The following PDZD7 variants were observed in gnomAD, a reference collection of about 807,000 sequenced individuals.
PDZD7 encodes PDZ domain containing 7, also known as PDZ domain-containing protein 7.
PDZD7 carries 72 observed loss-of-function variants against 84.7 expected under a neutral mutation model. The ratio of observed to expected loss-of-function variants is 0.85; its 90% CI spans 0.70 to 1.03. PDZD7 has a LOEUF of 1.03. Among genes scored for constraint, PDZD7 ranks in the 50% least tolerant of loss-of-function variants. PDZD7 has a pLI of 0.00. For missense variants in PDZD7, 1,490 were observed against 1,412.9 expected (o/e 1.05, Z -0.87); for synonymous variants, 594 against 580.7 (o/e 1.02, Z -0.33).
At chr10:101,014,466 C>T (rs1852519423) in intron 11 of PDZD7, among the ~76,000 whole-genome samples, 1 of 152,084 alleles carries the variant, frequency 6.6e-6, no homozygotes, top group South Asian at 2.1e-4. Context: ...CACCTCGTGG[C>T]CAAAGCCTGC....
At chr10:101,019,264 C>G in intron 7 of PDZD7, 47 bp from the exon 8 acceptor site, 2 of 1,533,694 alleles carry the variant, frequency 1.3e-6, no homozygotes, top group Admixed American at 3.9e-5. Context: ...GCTTCAGAGC[C>G]CTGCCCGGCT....
chr10:101,016,463 G>A (rs1415302172), intron 9 of PDZD7, 36 bp from the exon 10 acceptor site: 6 of 1,549,450 alleles, frequency 3.9e-6, no homozygotes, highest in Non-Finnish European at 4.4e-6. Flanking sequence ...GCAGGCCTTG[G>A]CCCCCAGTCT....
rs1434666715 is a variant in PDZD7, at chr10:101,018,923, AG to A, written c.1222del (p.Asp409ThrfsTer30). 1.9e-6 allele frequency: 3 copies of A among 1,603,814 alleles called. No homozygotes were observed. Among genetic ancestry groups the A allele is most frequent in the Non-Finnish European group, 1.7e-6 (2 of 1,175,900 alleles). On this transcript the variant is annotated frameshift_variant, in exon 8 of 17. Coordinates refer to ENST00000619208, the MANE Select transcript of PDZD7 (RefSeq NM_001195263.2). LOFTEE classifies it high-confidence loss of function. ...RSDGPHPGRR[L>X]DSALSESPKT... ...GGGAGACTCAGAGAGCGCAGAGTCA[AG>A]GCGGCGGCCGGGATGGGGGCCGTCC...
In PDZD7 at chr10:101,019,167, T is replaced by C. The variant is rs564914977; in HGVS notation, c.979A>G (p.Ser327Gly). 1.9e-5 allele frequency: 30 copies of C among 1,538,906 alleles called. No homozygotes were observed. The South Asian group carries it at 3.4e-4, about 18-fold the overall frequency. Residue 327 changes from serine (S) to glycine (G), a missense_variant, in exon 8 of 17, where the codon AGC becomes GGC. Coordinates refer to ENST00000619208, the MANE Select transcript of PDZD7 (RefSeq NM_001195263.2). ...GCGCTGGAGGCGCACGAAGAGACGC[T>C]GGAGCTGCTCTCAGAGGCCGGGGAC... The part of the protein sequence containing the change: ...QLSPASESSS[S>G]VSSCASSAPY...
At chr10:101,023,740 G>T in intron 3 of PDZD7, 130 bp from the exon 4 acceptor site, 1 of 1,416,228 alleles carries the variant, frequency 7.1e-7, no homozygotes, top group Non-Finnish European at 9.8e-7. Context: ...CAGGGGCTGA[G>T]TGTTCCCAGT....
chr10:101,010,658 C>T lies in PDZD7; in HGVS notation c.2231G>A (p.Arg744Gln), dbSNP rs547610251. The T allele has an allele frequency of 1.1e-3, 1,544 of 1,428,354 alleles. 29 individuals are homozygous for T. In the South Asian group the frequency reaches 0.02, roughly 18 times the overall value. 88.5% of individuals were successfully genotyped at this position (1,428,354 alleles called of 1,614,324 possible). A position where few individuals can be genotyped will look rare whatever the true frequency, so the allele number is the denominator to read the frequency against. The change falls in exon 15 of 17, where the codon CGG becomes CAG. Residue 744 changes from arginine to glutamine, a missense_variant. Arg to Gln is a conservative substitution (Grantham distance 43). Coordinates refer to ENST00000619208, the MANE Select transcript of PDZD7 (RefSeq NM_001195263.2). ...CAGCAGCCAGTTAGGCCGCAGGGGC[C>T]GGGGAGCCACGGGGGGTAGCTGGGG... ...PPPQLPPVAPRPLRPNWLLTE... is the reference protein window; with the variant it reads ...PPPQLPPVAPQPLRPNWLLTE...
chr10:101,012,042 G>T, intron 12 of PDZD7, 26 bp from the exon 13 acceptor site: 2 of 1,544,724 alleles, frequency 1.3e-6, no homozygotes, highest in Non-Finnish European at 1.8e-6. Context: ...AGACAGCAGG[G>T]GTGGGAGGGG....
rs200592310 is a variant in PDZD7, at chr10:101,019,175, C to T, written c.971G>A (p.Ser324Asn). The change falls in exon 8 of 17, where the codon AGC (serine) becomes AAC (asparagine). Residue 324 changes from serine to asparagine, a missense_variant. Coordinates refer to ENST00000619208, the MANE Select transcript of PDZD7 (RefSeq NM_001195263.2). The stretch of plus-strand genomic sequence containing the variant: ...GGCGCACGAAGAGACGCTGGAGCTG[C>T]TCTCAGAGGCCGGGGACAGCTGCTG... ...VLQQLSPASE[S>N]SSSVSSCASS... The T allele has an allele frequency of 2.5e-3, 3,849 of 1,537,280 alleles. 11 individuals are homozygous for T. The highest frequency in any genetic ancestry group is 2.9e-3 in the Non-Finnish European group (3,308 of 1,147,464).
At position 101,019,019 on chromosome 10, in the gene PDZD7, G is replaced by A; in HGVS notation, c.1127C>T (p.Ala376Val). The change falls in exon 8 of 17, where the codon GCG becomes GTG. Residue 376 changes from alanine (A) to valine (V), a missense_variant. By Grantham distance (64) the Ala-to-Val change is moderately conservative. Transcript: ENST00000619208. ...GCACCAGGTCTCCACCCGGCCTCCC[G>A]CATCGGGCTCCGTCTGCATGGCTGT... ...ADTAMQTEPDAGGRVETWCSV... is the reference protein window; with the variant it reads ...ADTAMQTEPDVGGRVETWCSV... 6.4e-7 allele frequency: 1 copy of A among 1,573,016 alleles called. No individual in the cohort carries two copies. Among genetic ancestry groups the A allele is most frequent in the Non-Finnish European group, 8.6e-7 (1 of 1,162,322 alleles).
intron 15 of PDZD7, 115 bp from the exon 16 acceptor site, chr10:101,009,465 C>T: frequency 1.2e-6 from 1 of 801,132 alleles, no homozygotes; most frequent in Non-Finnish European, 2.1e-6. Context: ...TCCCACATCC[C>T]TACATTCTGT....
chr10:101,029,014 G>A (rs1230886750), intron 2 of PDZD7, among the ~76,000 whole-genome samples: 1 of 152,234 alleles, frequency 6.6e-6, no homozygotes, highest in Non-Finnish European at 1.5e-5. Context: ...GGCCTGAACA[G>A]TCCAGTCTGG....
At chr10:101,027,920 C>T (rs1347710078) in intron 2 of PDZD7, among the ~76,000 whole-genome samples, 1 of 152,174 alleles carries the variant, frequency 6.6e-6, no homozygotes, top group East Asian at 1.9e-4. Context: ...AAGGGTAATG[C>T]TTTCCTGGAT....
Position 101,015,851 on chromosome 10 carries a change from C to T in PDZD7, c.1574-40G>A, listed in dbSNP as rs1438176641. ...CCATCAGGGGAGGGGAGAGGGGCTT[C>T]CCTCAGCAGGGCTGGGCCCCAGAAT... On this transcript the variant is annotated intron_variant, in intron 10 of 16. Transcript: ENST00000619208. The T allele has an allele frequency of 2.0e-6, 3 of 1,526,550 alleles. No individual in the cohort carries two copies. The South Asian group carries it at 3.7e-5, about 19-fold the overall frequency. 94.6% of individuals were successfully genotyped at this position (1,526,550 alleles called of 1,614,324 possible). A position where few individuals can be genotyped will look rare whatever the true frequency, so the allele number is the denominator to read the frequency against.
intron 15 of PDZD7, 93 bp from the exon 16 acceptor site, chr10:101,009,443 G>C: frequency 1.0e-6 from 1 of 972,024 alleles, no homozygotes; most frequent in South Asian, 1.4e-5. Flanking sequence ...CCAAATCCAA[G>C]GCCCCAACTT....
rs1006592882 is a variant in PDZD7 at position 101,012,176 on chromosome 10, T to C, written c.1832A>G (p.Gln611Arg). The change falls in exon 12 of 17, where the codon CAG (glutamine) becomes CGG (arginine). Residue 611 changes from glutamine to arginine, a missense_variant. By Grantham distance (43) the Gln-to-Arg change is conservative (BLOSUM62 1). Coordinates refer to ENST00000619208, the MANE Select transcript of PDZD7 (RefSeq NM_001195263.2). ...TGCAACCTCCTCCCACCTGATGTCC[T>C]GCAGCAGTAGCAGCTTCTCCGGCCT... The part of the protein sequence containing the change: ...LDRPEKLLLL[Q>R]DIRSVVAPTD... 8 of 1,550,548 alleles carry C rather than the reference T, an allele frequency of 5.2e-6. No homozygotes were observed. The Admixed American group carries it at 5.9e-5, about 11-fold the overall frequency.
intron 5 of PDZD7, 55 bp from the exon 6 acceptor site, chr10:101,022,000 C>G (rs369914982): frequency 6.2e-6 from 10 of 1,600,958 alleles, no homozygotes; most frequent in Admixed American, 3.5e-5. Flanking sequence ...TCCGTTACCC[C>G]ACTCCAGACC....
chr10:101,013,476 G>A (rs1301877502), intron 11 of PDZD7, among the ~76,000 whole-genome samples: 1 of 152,232 alleles, frequency 6.6e-6, no homozygotes, highest in Non-Finnish European at 1.5e-5. Flanking sequence ...CATGGAGGTG[G>A]TGGTATTTTG....
chr10:101,017,838 GGAAAGAAA>G (rs1202852543), intron 9 of PDZD7: 1,708 of 169,238 alleles, frequency 0.01, 15 homozygotes, highest in East Asian at 0.023. Context: ...AAGGAAGGAA[GGAAAGAAA>G]GAAAGAAAGA....
At position 101,027,346 on chromosome 10, in the gene PDZD7, C is replaced by T. The variant is rs1310755258; in HGVS notation, c.226+2648G>A. On this transcript the variant is annotated intron_variant, in intron 2 of 16. Transcript: ENST00000619208. ...CAAGCCCTTCCAGTGTTCCCTCTGC[C>T]TGCAGTGCTCCTGCCCAGGCCTTTA... Among the ~76,000 whole-genome samples, 6 of 151,826 alleles carry T rather than the reference C, an allele frequency of 4.0e-5. No individual in the cohort carries two copies. In the East Asian group the frequency reaches 1.2e-3, roughly 29 times the overall value.
Sources: allele counts gnomAD v4.1 joint callset (sites outside exome capture counted in the v4.1 genomes callset), GRCh38; gene constraint gnomAD v4.1.1; transcripts MANE v1.5; gene names NCBI Gene and HGNC (gene_info 2026-07-23, HGNC 2026-07-21).